ADAMTS3: variants seen among roughly 807,000 people sequenced by gnomAD.
ADAMTS3 encodes ADAM metallopeptidase with thrombospondin type 1 motif 3.
A neutral mutation model predicts 129.0 loss-of-function variants in ADAMTS3; 73 were observed. The ratio of observed to expected loss-of-function variants is 0.57; its 90% CI spans 0.47 to 0.69. The LOEUF is 0.69. ADAMTS3 is among the 30% of genes least tolerant of loss of function. ADAMTS3 has a pLI of 0.00. For missense variants in ADAMTS3, 1,457 were observed against 1,514.5 expected, an observed-to-expected ratio of 0.96 and a Z score of 0.63; for synonymous variants, 477 against 510.8, an observed-to-expected ratio of 0.93 and a Z score of 0.89.
intron 4 of ADAMTS3, among the ~76,000 whole-genome samples, chr4:72,407,596 G>A (rs968324762): frequency 2.6e-5 from 4 of 152,052 alleles, no homozygotes; most frequent in Admixed American, 6.6e-5. Context: ...ACACTAGAGA[G>A]AACCAAGGCC....
intron 19 of ADAMTS3, among the ~76,000 whole-genome samples, chr4:72,295,094 A>G (rs1718771225): frequency 6.6e-6 from 1 of 152,124 alleles, no homozygotes; most frequent in Non-Finnish European, 1.5e-5. Context: ...GATCAAATAC[A>G]TAAAATCAAA....
At chr4:72,398,066 CT>C (rs1445723910) in intron 4 of ADAMTS3, among the ~76,000 whole-genome samples, 3 of 152,286 alleles carry the variant, frequency 2.0e-5, no homozygotes, top group Middle Eastern at 6.8e-3. Flanking sequence ...AAACAATCTG[CT>C]ATGAAGTGTC....
chr4:72,318,745 T>TA (rs759203309), intron 9 of ADAMTS3, 41 bp from the exon 10 acceptor site: 4 of 1,587,282 alleles, frequency 2.5e-6, no homozygotes, highest in Non-Finnish European at 3.4e-6. Flanking sequence ...AATGTTCACT[T>TA]AAAAAAATCA....
intron 5 of ADAMTS3, among the ~76,000 whole-genome samples, chr4:72,323,878 A>G (rs1310184369): frequency 6.6e-6 from 1 of 152,214 alleles, no homozygotes; most frequent in East Asian, 1.9e-4. Context: ...ATACAGATGA[A>G]GAAAATAAAG....
At chr4:72,540,762 C>T (rs1312752156) in intron 3 of ADAMTS3, among the ~76,000 whole-genome samples, 2 of 152,236 alleles carry the variant, frequency 1.3e-5, no homozygotes, top group African/African-American at 4.8e-5. Context: ...CAAGCCTTGG[C>T]AGATTCCACT....
At chr4:72,476,154 A>C (rs1719226222) in intron 3 of ADAMTS3, among the ~76,000 whole-genome samples, 1 of 152,026 alleles carries the variant, frequency 6.6e-6, no homozygotes, top group Admixed American at 6.5e-5. Flanking sequence ...TCAAAAAAGA[A>C]AAAATCAATA....
chr4:72,550,375 C>G (rs1019600709), intron 2 of ADAMTS3, among the ~76,000 whole-genome samples: 1 of 152,000 alleles, frequency 6.6e-6, no homozygotes, highest in African/African-American at 2.4e-5. Flanking sequence ...TTTTTAAAAA[C>G]CTCAGGCAAT....
chr4:72,523,781 C>T (rs28520614), intron 3 of ADAMTS3, among the ~76,000 whole-genome samples: 47,969 of 151,426 alleles, frequency 0.32, 7,714 homozygotes, highest in Middle Eastern at 0.35. Context: ...TTAGATCATA[C>T]GAAAAGATGA....
At chr4:72,511,533 A>C (rs111735368) in intron 3 of ADAMTS3, among the ~76,000 whole-genome samples, 5,587 of 152,302 alleles carry the variant, frequency 0.037, 123 homozygotes, top group Non-Finnish European at 0.048. Flanking sequence ...ATCACTGATC[A>C]TCAGAGAAAT....
chr4:72,387,434 A>G (rs1331101343), intron 4 of ADAMTS3, among the ~76,000 whole-genome samples: 2 of 152,228 alleles, frequency 1.3e-5, no homozygotes, highest in Non-Finnish European at 2.9e-5. Flanking sequence ...TTAAATAATC[A>G]CAAAAATTCT....
intron 4 of ADAMTS3, among the ~76,000 whole-genome samples, chr4:72,385,035 C>T (rs563760052): frequency 2.8e-4 from 42 of 152,008 alleles, no homozygotes; most frequent in Middle Eastern, 6.8e-3. Flanking sequence ...GAAAATTAGC[C>T]GGGATTGGTG....
chr4:72,362,963 T>A (rs943470596), intron 4 of ADAMTS3, among the ~76,000 whole-genome samples: 1 of 152,090 alleles, frequency 6.6e-6, no homozygotes, highest in Admixed American at 6.6e-5. Flanking sequence ...TCAAAAGTAG[T>A]CTGCCAGCCT....
In ADAMTS3 at chr4:72,536,092, G is replaced by A. The variant is rs774110087; in HGVS notation, c.504+12386C>T. Among the ~76,000 whole-genome samples the A allele has an allele frequency of 2.8e-4, 43 of 152,296 alleles. No homozygotes were observed. In the Middle Eastern group the frequency reaches 0.01, roughly 36 times the overall value. On this transcript the variant is annotated intron_variant, in intron 3 of 21. Transcript: ENST00000286657. ...ATAGTGCACTACATGGTGGTCAATTGTGTAAAACCTCATTATCGTAATGAC... is the reference window on the plus strand; with the variant it reads ...ATAGTGCACTACATGGTGGTCAATTATGTAAAACCTCATTATCGTAATGAC...
At chr4:72,377,109 G>T (rs1270027483) in intron 4 of ADAMTS3, among the ~76,000 whole-genome samples, 1 of 152,146 alleles carries the variant, frequency 6.6e-6, no homozygotes, top group African/African-American at 2.4e-5. Flanking sequence ...GACACACCCT[G>T]AGTACTGCAC....
chr4:72,476,933 A>G (rs1262891646), intron 3 of ADAMTS3, among the ~76,000 whole-genome samples: 1 of 152,212 alleles, frequency 6.6e-6, no homozygotes, highest in Non-Finnish European at 1.5e-5. Context: ...GATGCAGAAA[A>G]TACGTATCAA....
chr4:72,501,569 G>C (rs991538543), intron 3 of ADAMTS3, among the ~76,000 whole-genome samples: 4 of 152,052 alleles, frequency 2.6e-5, no homozygotes, highest in African/African-American at 9.7e-5. Context: ...AGCAAAGAGA[G>C]ATAATTTGAC....
chr4:72,504,755 G>GTTCATTTA (rs1433945957), intron 3 of ADAMTS3, among the ~76,000 whole-genome samples: 1 of 151,966 alleles, frequency 6.6e-6, no homozygotes, highest in East Asian at 1.9e-4. Flanking sequence ...CAAATGTTTT[G>GTTCATTTA]TTCATTTATT....
chr4:72,332,079 C>T (rs1719866165), intron 5 of ADAMTS3, among the ~76,000 whole-genome samples: 1 of 152,010 alleles, frequency 6.6e-6, no homozygotes. Flanking sequence ...TGAATAAATG[C>T]CTAGAGGATT....
chr4:72,452,481 G>A (rs1005546571), intron 3 of ADAMTS3, among the ~76,000 whole-genome samples: 1 of 151,706 alleles, frequency 6.6e-6, no homozygotes, highest in African/African-American at 2.4e-5. Context: ...ATTGCTTCTA[G>A]ATATAATTGT....
Sources: gnomAD v4.1 joint callset for allele counts (sites outside exome capture counted in the v4.1 genomes callset) on GRCh38, gnomAD v4.1.1 for gene constraint, MANE v1.5 for transcripts, NCBI Gene and HGNC (gene_info 2026-07-23, HGNC 2026-07-21) for gene names.